PIWIL1: variants seen among roughly 807,000 people sequenced by gnomAD.
PIWIL1 encodes the protein piwi like RNA-mediated gene silencing 1.
In PIWIL1, 73 loss-of-function variants were observed where a neutral mutation model predicts 114.4. The ratio of observed to expected loss-of-function variants is 0.64; its 90% CI spans 0.53 to 0.78. The LOEUF is 0.78. PIWIL1 is among the 30% of genes least tolerant of loss of function. The probability of loss-of-function intolerance (pLI) is 0.00; values close to 1 mark genes in which losing one functional copy is unlikely to be tolerated. For synonymous variants in PIWIL1, 375 were observed against 369.0 expected (o/e 1.02, Z -0.19); for missense variants, 723 against 1,063.1 (o/e 0.68, Z 4.45).
chr12:130,411,529 C>A, the PIWIL1 span, among the ~76,000 whole-genome samples: 34 of 148,284 alleles, frequency 2.3e-4, 1 homozygote, highest in Non-Finnish European at 4.6e-4. Context: ...GTTCCCTTGG[C>A]CATCGACATT....
Position 130,342,627 on chromosome 12 carries a change from G to A in PIWIL1, c.36G>A (p.Arg12=). ...TGRARARARG[R]ARGQETAQLV... is the part of the protein sequence containing the mutation. ...GAGCCCGAGCCAGAGCCAGAGGAAG[G>A]GCCCGCGGTCAGGAGACAGCGCAGC... Residue 12 remains arginine, a synonymous_variant, in exon 2 of 21, where the codon AGG becomes AGA. Transcript: ENST00000245255. 6.2e-7 allele frequency: 1 copy of A among 1,614,036 alleles called. No homozygotes were observed. Among genetic ancestry groups the A allele is most frequent in the Non-Finnish European group, 8.5e-7 (1 of 1,179,938 alleles).
At chr12:130,422,221 G>T in the PIWIL1 span, among the ~76,000 whole-genome samples, 1 of 152,146 alleles carries the variant, frequency 6.6e-6, no homozygotes, top group Non-Finnish European at 1.5e-5. The surrounding 1 kb of genome is among the most constrained non-coding windows in gnomAD (Gnocchi z 5.2). Context: ...AGCTCTCCAG[G>T]AAAAAATCAG....
chr12:130,377,209 G>A (rs79420192), downstream of PIWIL1, among the ~76,000 whole-genome samples: 1,095 of 152,322 alleles, frequency 7.2e-3, 4 homozygotes, highest in Middle Eastern at 0.01. Flanking sequence ...TGTCTTCCCA[G>A]TTTCGATGAT....
intron 3 of PIWIL1, among the ~76,000 whole-genome samples, chr12:130,343,399 G>T (rs980806021): frequency 1.3e-5 from 2 of 152,178 alleles, no homozygotes; most frequent in Admixed American, 6.5e-5. Context: ...TAGAGGTAAA[G>T]ATCATTGTGA....
At chr12:130,377,632 G>A (rs774371705), downstream of PIWIL1, among the ~76,000 whole-genome samples, 1 of 152,228 alleles carries the variant, frequency 6.6e-6, no homozygotes, top group African/African-American at 2.4e-5. Context: ...CTTCATGGGT[G>A]CCTGGAGGAG....
At chr12:130,400,777 C>G in the PIWIL1 span, among the ~76,000 whole-genome samples, 69 of 152,232 alleles carry the variant, frequency 4.5e-4, no homozygotes, top group African/African-American at 1.7e-3. Context: ...TCAAAAAACC[C>G]AATTAAAGAC....
intron 9 of PIWIL1, among the ~76,000 whole-genome samples, chr12:130,352,914 TA>T (rs1286236497): frequency 3.3e-5 from 5 of 152,130 alleles, no homozygotes; most frequent in Admixed American, 2.0e-4. Flanking sequence ...TGTGATAAAA[TA>T]GGTAGTATAG....
At chr12:130,379,342 A>G in the PIWIL1 span, among the ~76,000 whole-genome samples, 1 of 152,226 alleles carries the variant, frequency 6.6e-6, no homozygotes. Flanking sequence ...AATTCAAACC[A>G]CATTGAATAA....
At chr12:130,371,057 A>C (rs2073804062) in intron 19 of PIWIL1, 119 bp from the exon 20 acceptor site, 1 of 805,546 alleles carries the variant, frequency 1.2e-6, no homozygotes, top group African/African-American at 1.7e-5. Context: ...CAGCGTGAGA[A>C]GAGATGAGGT....
chr12:130,424,721 CTTGTGTA>C, the PIWIL1 span: 1 of 1,232,270 alleles, frequency 8.1e-7, no homozygotes, highest in Non-Finnish European at 1.0e-6. The surrounding 1 kb of genome is among the most constrained non-coding windows in gnomAD (Gnocchi z 9.8). Context: ...CTGCACCCTG[CTTGTGTA>C]GCAGCCCACA....
intron 14 of PIWIL1, among the ~76,000 whole-genome samples, chr12:130,360,601 C>T (rs1242192550): frequency 6.6e-6 from 1 of 152,176 alleles, no homozygotes; most frequent in Non-Finnish European, 1.5e-5. Context: ...CCACTGCATT[C>T]CAGCCTGGGC....
rs747433146 is a variant in PIWIL1 at position 130,346,566 on chromosome 12, T to G, written c.513T>G (p.Pro171=). The G allele has an allele frequency of 7.4e-6, 12 of 1,613,122 alleles. No individual in the cohort carries two copies. The highest frequency in any genetic ancestry group is 1.0e-5 in the Non-Finnish European group (12 of 1,179,182). ...HAFDGTILFL[P]KRLQQKVTEV... is the part of the protein sequence containing the mutation. The stretch of plus-strand genomic sequence containing the variant: ...TTGATGGAACGATATTATTTTTACC[T>G]AAAAGACTACAGCAAAAGGTTATTT... Residue 171 remains proline (P), a synonymous_variant, in exon 5 of 21, where the codon CCT becomes CCG. Transcript: ENST00000245255.
the PIWIL1 span, among the ~76,000 whole-genome samples, chr12:130,386,157 C>T: frequency 1.3e-5 from 2 of 151,824 alleles, no homozygotes; most frequent in South Asian, 4.2e-4. Context: ...GAAGTTAAGA[C>T]AGGAATAAGT....
chr12:130,384,652 A>C, the PIWIL1 span, among the ~76,000 whole-genome samples: 3 of 152,154 alleles, frequency 2.0e-5, no homozygotes, highest in Non-Finnish European at 4.4e-5. Context: ...GCTGGGGTGC[A>C]TCGTGGTTTT....
At chr12:130,410,472 C>A in the PIWIL1 span, among the ~76,000 whole-genome samples, 1 of 152,022 alleles carries the variant, frequency 6.6e-6, no homozygotes, top group Non-Finnish European at 1.5e-5. Flanking sequence ...CCTGTGTTTT[C>A]TTCTGGAAAT....
Position 130,346,599 on chromosome 12 carries a change from G to T in PIWIL1, c.531+15G>T. On this transcript the variant is annotated intron_variant, in intron 5 of 20. Coordinates refer to ENST00000245255, the MANE Select transcript of PIWIL1 (RefSeq NM_004764.5). ...TACAGCAAAAGGTTATTTGGGAAAA[G>T]GGAGATGGGGGATTTCCACTTCAAA... 1 of 1,580,678 alleles carries T rather than the reference G, an allele frequency of 6.3e-7. No individual in the cohort carries two copies. Among genetic ancestry groups the T allele is most frequent in the Non-Finnish European group, 8.7e-7 (1 of 1,150,686 alleles).
At chr12:130,390,415 A>G in the PIWIL1 span, among the ~76,000 whole-genome samples, 12 of 152,322 alleles carry the variant, frequency 7.9e-5, no homozygotes, top group Admixed American at 6.5e-5. Context: ...GAGGGCAGGC[A>G]TGCTTACAGG....
chr12:130,342,712 T>A, intron 2 of PIWIL1, 43 bp downstream of exon 2: 1 of 1,440,866 alleles, frequency 6.9e-7, no homozygotes, highest in Non-Finnish European at 9.8e-7. Context: ...TGTCTTTGAC[T>A]CTTGATCAGC....
At chr12:130,424,388 C>T in the PIWIL1 span, 3 of 1,232,622 alleles carry the variant, frequency 2.4e-6, no homozygotes, top group Non-Finnish European at 3.0e-6. This position sits in a 1 kb window ranked among gnomAD's most constrained non-coding sequence, Gnocchi z 9.8. Flanking sequence ...TCAGCGTCCG[C>T]CGCCGGGCCA....
Sources: allele counts gnomAD v4.1 joint callset (sites outside exome capture counted in the v4.1 genomes callset), GRCh38; gene constraint gnomAD v4.1.1; non-coding constraint Gnocchi (gnomAD v3.1); transcripts MANE v1.5; gene names NCBI Gene and HGNC (gene_info 2026-07-23, HGNC 2026-07-21).